PCDHGA7: variants seen among roughly 807,000 people sequenced by gnomAD.
PCDHGA7 encodes protocadherin gamma-A7.
PCDHGA7 carries 44 observed loss-of-function variants against 58.3 expected under a neutral mutation model. The ratio of observed to expected loss-of-function variants is 0.75; its 90% CI spans 0.59 to 0.97. The LOEUF (loss-of-function observed/expected upper bound fraction) is 0.97. Ranked by LOEUF, PCDHGA7 falls within the 50% of genes least tolerant of loss-of-function variation. The pLI, the probability that PCDHGA7 is intolerant of heterozygous loss-of-function variation, is 0.00. For synonymous variants in PCDHGA7, 516 were observed against 504.2 expected, an observed-to-expected ratio of 1.02 and a Z score of -0.31; for missense variants, 1,266 against 1,188.7, an observed-to-expected ratio of 1.06 and a Z score of -0.96.
intron 1 of PCDHGA7, among the ~76,000 whole-genome samples, chr5:141,458,809 T>G (rs2098953834): frequency 6.6e-6 from 1 of 152,190 alleles, no homozygotes; most frequent in Non-Finnish European, 1.5e-5. Flanking sequence ...CTCAGCTCAC[T>G]GCAACCTCTG....
At chr5:141,436,294 G>A (rs1205368824) in intron 1 of PCDHGA7, among the ~76,000 whole-genome samples, 1 of 152,142 alleles carries the variant, frequency 6.6e-6, no homozygotes, top group Non-Finnish European at 1.5e-5. Context: ...AAATCATTGA[G>A]AGTTAGAGCA....
At chr5:141,410,370 C>T (rs780808768) in intron 1 of PCDHGA7, 2 of 1,614,060 alleles carry the variant, frequency 1.2e-6, no homozygotes, top group South Asian at 2.2e-5. Flanking sequence ...AGCCCTGCTA[C>T]TTGGGACTGC....
intron 2 of PCDHGA7, among the ~76,000 whole-genome samples, chr5:141,500,125 T>C (rs1367341826): frequency 2.0e-5 from 3 of 151,970 alleles, no homozygotes; most frequent in African/African-American, 4.8e-5. Flanking sequence ...CCTTTTCATA[T>C]ATATCTTTCT....
chr5:141,432,521 G>A lies in PCDHGA7; in HGVS notation c.2424+47198G>A. The stretch of plus-strand genomic sequence containing the variant: ...CCGCTCCGCAGAGCCCGGCTACCTG[G>A]TGACCAAGGTGGTGGCGGTGGACAG... On this transcript the variant is annotated intron_variant, in intron 1 of 3. Coordinates refer to ENST00000518325, the MANE Select transcript of PCDHGA7 (RefSeq NM_018920.4). The surrounding 1 kb of genome is among the most constrained non-coding windows in gnomAD (Gnocchi z 6.0). The A allele has an allele frequency of 6.2e-7, 1 of 1,614,112 alleles. No homozygotes were observed. Among genetic ancestry groups the A allele is most frequent in the Non-Finnish European group, 8.5e-7 (1 of 1,180,028 alleles).
intron 1 of PCDHGA7, chr5:141,422,764 G>A: frequency 1.2e-6 from 2 of 1,613,582 alleles, no homozygotes; most frequent in Non-Finnish European, 8.5e-7. Flanking sequence ...CTCCAACACT[G>A]GTGTTCTCTA....
intron 1 of PCDHGA7, chr5:141,415,772 T>TTTA (rs1561760673): frequency 5.3e-6 from 7 of 1,332,980 alleles, no homozygotes; most frequent in Non-Finnish European, 6.7e-6. Flanking sequence ...TTTTTTTTTT[T>TTTA]ACTTTCTGGT....
intron 1 of PCDHGA7, among the ~76,000 whole-genome samples, chr5:141,462,160 A>T (rs575238638): frequency 4.6e-5 from 7 of 152,122 alleles, no homozygotes; most frequent in Non-Finnish European, 1.0e-4. Flanking sequence ...GGGTTTCATC[A>T]TGTTGGCCAG....
At position 141,477,262 on chromosome 5, in the gene PCDHGA7, C is replaced by G; in HGVS notation, c.2425-17545C>G. On this transcript the variant is annotated intron_variant, in intron 1 of 3. Coordinates refer to ENST00000518325, the MANE Select transcript of PCDHGA7 (RefSeq NM_018920.4). The surrounding 1 kb of genome is among the most constrained non-coding windows in gnomAD (Gnocchi z 4.9). ...TCAGTGTGACTGACCTGGATGCTGG[C>G]GAGAACGGGCTGGTGACCTGCGAAG... The G allele has an allele frequency of 6.2e-7, 1 of 1,614,138 alleles. No homozygotes were observed.
intron 1 of PCDHGA7, chr5:141,405,103 G>T (rs368202826): frequency 3.1e-6 from 5 of 1,613,804 alleles, no homozygotes; most frequent in Non-Finnish European, 4.2e-6. Flanking sequence ...TCAGGCTGAG[G>T]CACTGGCACT....
chr5:141,478,819 C>T, intron 1 of PCDHGA7: 8 of 1,447,842 alleles, frequency 5.5e-6, no homozygotes, highest in South Asian at 3.0e-5. Flanking sequence ...CACAACTAAC[C>T]AATCTTGCTA....
At position 141,403,235 on chromosome 5, in the gene PCDHGA7, C is replaced by T. The variant is rs757212212; in HGVS notation, c.2424+17912C>T. The T allele has an allele frequency of 2.9e-5, 47 of 1,613,842 alleles. No individual in the cohort carries two copies. In the Admixed American group the frequency reaches 7.7e-4, roughly 26 times the overall value. ...CGCGGGTAGGATAGACCGGGAGGAGCTCTGTGCTCAGAGCCCGCGGTGTCT... is the reference window on the plus strand; with the variant it reads ...CGCGGGTAGGATAGACCGGGAGGAGTTCTGTGCTCAGAGCCCGCGGTGTCT... On this transcript the variant is annotated intron_variant, in intron 1 of 3. Transcript: ENST00000518325.
intron 3 of PCDHGA7, among the ~76,000 whole-genome samples, chr5:141,509,211 C>T (rs962706371): frequency 2.0e-5 from 3 of 152,180 alleles, no homozygotes; most frequent in African/African-American, 4.8e-5. Context: ...CTCTCTATTT[C>T]TCAATCCCTG....
intron 1 of PCDHGA7, chr5:141,428,257 G>T: frequency 1.2e-6 from 1 of 865,866 alleles, no homozygotes; most frequent in South Asian, 1.4e-5. Context: ...AGACTTCAGT[G>T]ACAGTCCTGT....
chr5:141,501,789 C>T (rs367954511), intron 2 of PCDHGA7, among the ~76,000 whole-genome samples: 1 of 152,262 alleles, frequency 6.6e-6, no homozygotes, highest in South Asian at 2.1e-4. Context: ...TCTCCCTCTG[C>T]TCATCTCTTA....
chr5:141,403,135 GCGCCGAGTC>G, intron 1 of PCDHGA7: 4 of 1,614,064 alleles, frequency 2.5e-6, no homozygotes, highest in Non-Finnish European at 3.4e-6. Context: ...AGCTGGCGGA[GCGCCGAGTC>G]CGCATCGTCT....
chr5:141,392,883 T>C, intron 1 of PCDHGA7: 1 of 1,613,518 alleles, frequency 6.2e-7, no homozygotes, highest in Non-Finnish European at 8.5e-7. Flanking sequence ...GGGAACGCTG[T>C]GGGAAATCGG....
chr5:141,467,554 T>A (rs2099145880), intron 1 of PCDHGA7, among the ~76,000 whole-genome samples: 1 of 152,238 alleles, frequency 6.6e-6, no homozygotes. Flanking sequence ...TATATCTTTT[T>A]TCCCAAATGG....
At chr5:141,492,091 C>A (rs930375969) in intron 1 of PCDHGA7, among the ~76,000 whole-genome samples, 1 of 152,242 alleles carries the variant, frequency 6.6e-6, no homozygotes, top group South Asian at 2.1e-4. Flanking sequence ...CACGCTTCGC[C>A]GGTCTGTAGA....
At chr5:141,449,252 T>C (rs1401555556) in intron 1 of PCDHGA7, among the ~76,000 whole-genome samples, 1 of 152,144 alleles carries the variant, frequency 6.6e-6, no homozygotes, top group Non-Finnish European at 1.5e-5. Flanking sequence ...GTTGCAAGAA[T>C]TGTACAAAGA....
Sources: allele counts gnomAD v4.1 joint callset (sites outside exome capture counted in the v4.1 genomes callset), GRCh38; gene constraint gnomAD v4.1.1; non-coding constraint Gnocchi (gnomAD v3.1); transcripts MANE v1.5; gene names NCBI Gene and HGNC (gene_info 2026-07-23, HGNC 2026-07-21).